ABCC6: variants seen among roughly 807,000 people sequenced by gnomAD.
ABCC6 encodes the protein ATP binding cassette subfamily C member 6.
A neutral mutation model predicts 169.5 loss-of-function variants in ABCC6; 126 were observed. That is an observed-to-expected ratio of 0.74 (90% confidence interval 0.64 to 0.86). The LOEUF is 0.86. Ranked by LOEUF, ABCC6 falls within the 40% of genes least tolerant of loss-of-function variation. ABCC6 has a pLI of 0.00. For synonymous variants in ABCC6, 752 were observed against 814.7 expected, an observed-to-expected ratio of 0.92 and a Z score of 1.31; for missense variants, 1,733 against 1,927.2, an observed-to-expected ratio of 0.90 and a Z score of 1.89.
At chr16:16,173,205 T>A in intron 21 of ABCC6, 79 bp downstream of exon 21, 1 of 1,599,016 alleles carries the variant, frequency 6.3e-7, no homozygotes, top group Non-Finnish European at 8.5e-7. Context: ...CACTGCCAAG[T>A]GCTACATTTG....
Position 16,193,188 on chromosome 16 carries a change from G to A in ABCC6, c.1339-266C>T, listed in dbSNP as rs568600269. 2.6e-5 allele frequency among the ~76,000 whole-genome samples: 4 copies of A among 152,262 alleles called. No individual in the cohort carries two copies. In the East Asian group the frequency reaches 7.7e-4, roughly 29 times the overall value. On this transcript the variant is annotated intron_variant, in intron 10 of 30. Coordinates refer to ENST00000205557, the MANE Select transcript of ABCC6 (RefSeq NM_001171.6). ...CCCACCAAAACCAAGATGGCTACGA[G>A]AGTGACCTCCCGTCATCCTCACTGC...
At chr16:16,159,426 GCC>G (rs56822940) in intron 26 of ABCC6, 54 bp downstream of exon 26, 84 of 1,355,384 alleles carry the variant, frequency 6.2e-5, no homozygotes, top group African/African-American at 8.7e-5. Flanking sequence ...GGGACCCATT[GCC>G]CCCCCCCACA....
chr16:16,201,556 G>A (rs1303506495), intron 9 of ABCC6, among the ~76,000 whole-genome samples: 1 of 152,134 alleles, frequency 6.6e-6, no homozygotes, highest in East Asian at 1.9e-4. Flanking sequence ...AGACACCCTA[G>A]GGACAGATCA....
chr16:16,166,500 G>C (rs1262121291), intron 22 of ABCC6, among the ~76,000 whole-genome samples: 1 of 152,026 alleles, frequency 6.6e-6, no homozygotes, highest in Non-Finnish European at 1.5e-5. Flanking sequence ...CAGATGGGAG[G>C]GTGTATCTAC....
intron 21 of ABCC6, among the ~76,000 whole-genome samples, chr16:16,170,834 G>A (rs781161831): frequency 7.2e-6 from 1 of 138,854 alleles, no homozygotes; most frequent in African/African-American, 2.7e-5. Flanking sequence ...CAAGAGAATC[G>A]TTTGAAGCCA....
chr16:16,177,538 C>T lies in ABCC6; in HGVS notation c.2504G>A (p.Gly835Asp), dbSNP rs199990104. The change falls in exon 19 of 31, where the codon GGT (glycine) becomes GAT (aspartate). Residue 835 changes from glycine to aspartate, a missense_variant. Gly to Asp is a moderately conservative substitution (Grantham distance 94, BLOSUM62 -1). Coordinates refer to ENST00000205557, the MANE Select transcript of ABCC6 (RefSeq NM_001171.6). ...VLANGAIAEM[G>D]SYQELLQRKG... ...CCTCTGCAGAAGCTCCTGGTAGGAA[C>T]CCATCTCTGCGATGGCCCCATTTGC... The T allele has an allele frequency of 5.0e-6, 8 of 1,614,220 alleles. No individual in the cohort carries two copies. The highest frequency in any genetic ancestry group is 6.8e-6 in the Non-Finnish European group (8 of 1,180,030).
chr16:16,208,946 T>C (rs1466920526), intron 6 of ABCC6, 87 bp from the exon 7 acceptor site: 6 of 1,610,092 alleles, frequency 3.7e-6, no homozygotes, highest in East Asian at 4.5e-5. Flanking sequence ...TGACCCTGGG[T>C]AAGTCACTTT....
At chr16:16,202,893 C>G (rs2048289073) in intron 8 of ABCC6, among the ~76,000 whole-genome samples, 1 of 152,186 alleles carries the variant, frequency 6.6e-6, no homozygotes, top group Non-Finnish European at 1.5e-5. Context: ...CATGCTGGCT[C>G]TGAGCCTAGG....
chr16:16,213,229 G>A (rs1401091413), intron 5 of ABCC6, among the ~76,000 whole-genome samples: 2 of 151,942 alleles, frequency 1.3e-5, no homozygotes, highest in African/African-American at 2.4e-5. Context: ...TCTGTAGTGG[G>A]ACTACAGGCA....
At chr16:16,166,658 T>A (rs947404678) in intron 22 of ABCC6, among the ~76,000 whole-genome samples, 4 of 151,772 alleles carry the variant, frequency 2.6e-5, no homozygotes, top group African/African-American at 9.7e-5. Flanking sequence ...GGCGGGTGGA[T>A]CACCTGAGGT....
intron 7 of ABCC6, among the ~76,000 whole-genome samples, chr16:16,206,114 A>G (rs973591239): frequency 3.9e-5 from 6 of 152,236 alleles, no homozygotes; most frequent in East Asian, 3.8e-4. Flanking sequence ...TGAGCTGTTT[A>G]ACCCAGAGAG....
intron 19 of ABCC6, 72 bp downstream of exon 19, chr16:16,177,380 G>C: frequency 6.4e-7 from 1 of 1,564,904 alleles, no homozygotes; most frequent in Non-Finnish European, 8.8e-7. Context: ...CATGCCAGTA[G>C]GACCCTTCGA....
chr16:16,154,899 G>A lies in ABCC6; in HGVS notation c.4015C>T (p.Arg1339Cys), dbSNP rs28939702. The change falls in exon 28 of 31, where the codon CGC becomes TGC. Residue 1339 changes from arginine to cysteine, a missense_variant. Transcript: ENST00000205557. ...TGGGGGATGATGCTGATCCTGGAGC[G>A]CAGTGTGTGCAGCCCCACGTGGGCA... ...PIAHVGLHTL[R>C]SRISIIPQDP... The A allele has an allele frequency of 4.8e-5, 77 of 1,611,470 alleles. No individual in the cohort carries two copies. The highest frequency in any genetic ancestry group is 1.7e-4 in the Admixed American group (10 of 59,696).
chr16:16,211,159 T>C (rs916594391), intron 6 of ABCC6, among the ~76,000 whole-genome samples: 1 of 151,444 alleles, frequency 6.6e-6, no homozygotes, highest in African/African-American at 2.4e-5. Flanking sequence ...CCCAGCACTT[T>C]GGGAAGCCGA....
chr16:16,155,096 T>C lies in ABCC6; in HGVS notation c.3883-65A>G, dbSNP rs1044362061. 30 of 1,517,236 alleles carry C rather than the reference T, an allele frequency of 2.0e-5. No homozygotes were observed. In the African/African-American group the frequency reaches 3.9e-4, roughly 19 times the overall value. The allele number at this position is 1,517,236 out of a possible 1,614,324, so 94.0% of individuals were successfully genotyped here. A position where few individuals can be genotyped will look rare whatever the true frequency, so the allele number is the denominator to read the frequency against. On this transcript the variant is annotated intron_variant, in intron 27 of 30. Transcript: ENST00000205557. Reference sequence around the variant, plus strand: ...GGTTTGTGGGCATTTATTGGGGAGATCTTTCTGCTGTACCCGAGATCTGTC... The same window carrying C: ...GGTTTGTGGGCATTTATTGGGGAGACCTTTCTGCTGTACCCGAGATCTGTC...
Position 16,182,561 on chromosome 16 carries a change from C to T in ABCC6, c.2098G>A (p.Ala700Thr). The change falls in exon 17 of 31, where the codon GCC becomes ACC. Residue 700 changes from alanine (A) to threonine (T), a missense_variant. By Grantham distance (58) the Ala-to-Thr change is moderately conservative. This residue lies in a region of ABCC6 where 1,601 missense variants were observed against 1,635.5 expected (regional missense o/e 0.98). Transcript: ENST00000205557. ...EGAVAYVPQE[A>T]WVQNTSVVEN... is the part of the protein sequence containing the mutation. ...ACCACAGAGGTGTTCTGCACCCAGGCCTCCTGGGGCACGTAGGCCACAGCA... is the reference window on the plus strand; with the variant it reads ...ACCACAGAGGTGTTCTGCACCCAGGTCTCCTGGGGCACGTAGGCCACAGCA... 3 of 1,613,088 alleles carry T rather than the reference C, an allele frequency of 1.9e-6. No individual in the cohort carries two copies. The highest frequency in any genetic ancestry group is 2.5e-6 in the Non-Finnish European group (3 of 1,179,160).
At chr16:16,157,842 C>T (rs934129472) in intron 26 of ABCC6, 33 bp from the exon 27 acceptor site, 2 of 1,599,596 alleles carry the variant, frequency 1.3e-6, no homozygotes, top group East Asian at 2.2e-5. Flanking sequence ...GTCAGAGGAG[C>T]CTTCCTCTAA....
chr16:16,150,502 G>T, intron 30 of ABCC6, 76 bp downstream of exon 30: 1 of 1,547,730 alleles, frequency 6.5e-7, no homozygotes. Flanking sequence ...GAAGCCCAGT[G>T]GCCCAGGACT....
intron 19 of ABCC6, 40 bp downstream of exon 19, chr16:16,177,412 A>G (rs56892090): frequency 1.2e-6 from 2 of 1,612,810 alleles, no homozygotes; most frequent in Admixed American, 3.3e-5. Flanking sequence ...CAAGGGTGGC[A>G]GGAGCCAGGC....
Sources: allele counts gnomAD v4.1 joint callset (sites outside exome capture counted in the v4.1 genomes callset), GRCh38; gene constraint gnomAD v4.1.1; regional missense constraint gnomAD v4.1.1; transcripts MANE v1.5; gene names NCBI Gene and HGNC (gene_info 2026-07-23, HGNC 2026-07-21).